Variants in SLC14A2 observed in about 807,000 individuals in gnomAD.
SLC14A2 encodes urea transporter 2.
SLC14A2 carries 91 observed loss-of-function variants against 104.6 expected under a neutral mutation model. That is an observed-to-expected ratio of 0.87 (90% confidence interval 0.73 to 1.04). The LOEUF is 1.04. Among genes scored for constraint, SLC14A2 ranks in the 50% least tolerant of loss-of-function variants. The pLI is 0.00. For synonymous variants in SLC14A2, 476 were observed against 466.4 expected, an observed-to-expected ratio of 1.02 and a Z score of -0.27; for missense variants, 1,189 against 1,156.0, an observed-to-expected ratio of 1.03 and a Z score of -0.41.
At chr18:45,223,896 G>A (rs1163676999) in intron 1 of SLC14A2, among the ~76,000 whole-genome samples, 2 of 152,170 alleles carry the variant, frequency 1.3e-5, no homozygotes. Context: ...CTCCTTTGAT[G>A]AGAAACATAA....
chr18:45,413,952 TA>T (rs370895000), intron 1 of SLC14A2, among the ~76,000 whole-genome samples: 16 of 147,276 alleles, frequency 1.1e-4, no homozygotes, highest in East Asian at 3.9e-4. Flanking sequence ...TAATAGAGCG[TA>T]AAAAAAAAAG....
At chr18:45,499,396 T>G (rs2043154991) in intron 2 of SLC14A2, among the ~76,000 whole-genome samples, 2 of 152,220 alleles carry the variant, frequency 1.3e-5, no homozygotes, top group African/African-American at 4.8e-5. Context: ...TGGTGAGTGC[T>G]CGACATTCAG....
intron 2 of SLC14A2, among the ~76,000 whole-genome samples, chr18:45,508,468 G>A (rs2043317245): frequency 6.6e-6 from 1 of 152,204 alleles, no homozygotes. Context: ...ACCGCCATGT[G>A]ACATGTGCCT....
At chr18:45,544,411 C>A (rs2043936011) in intron 2 of SLC14A2, among the ~76,000 whole-genome samples, 1 of 152,166 alleles carries the variant, frequency 6.6e-6, no homozygotes, top group South Asian at 2.1e-4. Flanking sequence ...GTCTATATAA[C>A]CAGGGACTTT....
At chr18:45,304,204 G>A (rs996371945) in intron 1 of SLC14A2, among the ~76,000 whole-genome samples, 3 of 152,154 alleles carry the variant, frequency 2.0e-5, no homozygotes, top group Admixed American at 2.0e-4. Context: ...GCAACCGGGA[G>A]TATGCAAAAA....
At chr18:45,332,276 T>A (rs1026699460) in intron 1 of SLC14A2, among the ~76,000 whole-genome samples, 14 of 152,230 alleles carry the variant, frequency 9.2e-5, no homozygotes, top group African/African-American at 3.4e-4. Flanking sequence ...GAAAAAAAAT[T>A]GAACCTGTAC....
At chr18:45,176,033 C>T in the SLC14A2 span, among the ~76,000 whole-genome samples, 4 of 152,126 alleles carry the variant, frequency 2.6e-5, no homozygotes, top group Admixed American at 6.6e-5. Context: ...GAGAATATAT[C>T]CTTGCAACCA....
chr18:45,382,571 G>A (rs4456599), intron 1 of SLC14A2, among the ~76,000 whole-genome samples: 15 of 151,960 alleles, frequency 9.9e-5, no homozygotes, highest in Non-Finnish European at 1.9e-4. Flanking sequence ...GGAGAATAAG[G>A]GATTTCCTAT....
intron 1 of SLC14A2, among the ~76,000 whole-genome samples, chr18:45,393,033 T>C (rs181810006): frequency 6.6e-6 from 1 of 152,352 alleles, no homozygotes; most frequent in Admixed American, 6.5e-5. Flanking sequence ...ATATTTCAGA[T>C]GACTATACAC....
intron 1 of SLC14A2, among the ~76,000 whole-genome samples, chr18:45,221,221 T>C (rs1210995031): frequency 2.0e-5 from 3 of 152,168 alleles, no homozygotes; most frequent in Non-Finnish European, 4.4e-5. Context: ...ATGGTCAAGA[T>C]TTTCTTCTTC....
At chr18:45,216,110 A>G (rs1354839808) in intron 1 of SLC14A2, among the ~76,000 whole-genome samples, 1 of 152,194 alleles carries the variant, frequency 6.6e-6, no homozygotes, top group Non-Finnish European at 1.5e-5. Context: ...TTTTCCCTAT[A>G]ACTTCTATCC....
intron 1 of SLC14A2, among the ~76,000 whole-genome samples, chr18:45,471,798 A>G (rs1320623590): frequency 1.3e-5 from 2 of 151,466 alleles, no homozygotes; most frequent in African/African-American, 2.4e-5. Flanking sequence ...TTGTCTGGAC[A>G]TGTCTTTCTT....
chr18:45,213,034 AAG>A (rs2083974877), exon 1 of SLC14A2: 1 of 152,470 alleles, frequency 6.6e-6, no homozygotes, highest in South Asian at 2.1e-4. Flanking sequence ...ACCATGCTGA[AAG>A]AGCTCCTCTG....
chr18:45,666,312 C>T (rs559091380), intron 12 of SLC14A2, 93 bp downstream of exon 12: 36 of 790,926 alleles, frequency 4.6e-5, no homozygotes, highest in South Asian at 3.7e-4. Flanking sequence ...CAAGGTTCTC[C>T]GATTTAGGCA....
intron 2 of SLC14A2, among the ~76,000 whole-genome samples, chr18:45,517,851 TA>T (rs1476278309): frequency 6.6e-6 from 1 of 152,116 alleles, no homozygotes; most frequent in Non-Finnish European, 1.5e-5. Flanking sequence ...GTACAAAAAA[TA>T]GAAGTTCACT....
chr18:45,228,983 T>C (rs2084147763), intron 1 of SLC14A2, among the ~76,000 whole-genome samples: 1 of 152,190 alleles, frequency 6.6e-6, no homozygotes, highest in Non-Finnish European at 1.5e-5. Flanking sequence ...CATTGCCATC[T>C]GTCGCAGAAA....
At chr18:45,343,383 A>C (rs1261596433) in intron 1 of SLC14A2, among the ~76,000 whole-genome samples, 2 of 151,830 alleles carry the variant, frequency 1.3e-5, no homozygotes, top group African/African-American at 4.8e-5. Flanking sequence ...GTGCTGCATG[A>C]TGGTCCCCTT....
chr18:45,192,620 G>T, the SLC14A2 span, among the ~76,000 whole-genome samples: 1 of 44,404 alleles, frequency 2.3e-5, no homozygotes, highest in Non-Finnish European at 4.0e-5. Context: ...GGTTTTGTGT[G>T]TGTGTGTGTG....
At chr18:45,576,456 T>C (rs2952266) in intron 2 of SLC14A2, among the ~76,000 whole-genome samples, 56,566 of 151,586 alleles carry the variant, frequency 0.37, 10,861 homozygotes, top group Non-Finnish European at 0.41. Context: ...GCTAATTTGT[T>C]TGTGTTTTTA....
Sources: gnomAD v4.1 joint callset for allele counts (sites outside exome capture counted in the v4.1 genomes callset) on GRCh38, gnomAD v4.1.1 for gene constraint, MANE v1.5 for transcripts, NCBI Gene and HGNC (gene_info 2026-07-23, HGNC 2026-07-21) for gene names.